Variants in SETD3 observed in about 807,000 individuals in gnomAD.
SETD3 encodes SET domain containing 3, actin N3(tau)-histidine methyltransferase.
A neutral mutation model predicts 63.0 loss-of-function variants in SETD3; 19 were observed. That is an observed-to-expected ratio of 0.30 (90% CI 0.21 to 0.44). The LOEUF (loss-of-function observed/expected upper bound fraction) is 0.44, where lower values mean the gene tolerates loss of function less well. Among genes scored for constraint, SETD3 ranks in the 20% least tolerant of loss-of-function variants. The probability of loss-of-function intolerance (pLI) is 1.00; values close to 1 mark genes in which losing one functional copy is unlikely to be tolerated. For synonymous variants in SETD3, 286 were observed against 264.1 expected, an observed-to-expected ratio of 1.08 and a Z score of -0.80; for missense variants, 587 against 728.5, an observed-to-expected ratio of 0.81 and a Z score of 2.24.
chr14:99,410,965 G>A (rs570579609), intron 8 of SETD3, among the ~76,000 whole-genome samples: 40 of 152,232 alleles, frequency 2.6e-4, no homozygotes, highest in Non-Finnish European at 5.0e-4. Context: ...AGAAAATCTC[G>A]TCTTAAAAGC....
chr14:99,406,914 C>T (rs1050155531), intron 8 of SETD3, among the ~76,000 whole-genome samples: 4 of 152,214 alleles, frequency 2.6e-5, no homozygotes, highest in African/African-American at 2.4e-5. Context: ...GGGCAGTGAG[C>T]CCACAGGCCA....
intron 6 of SETD3, among the ~76,000 whole-genome samples, chr14:99,424,240 G>A (rs116280982): frequency 2.1e-3 from 313 of 152,330 alleles, no homozygotes; most frequent in African/African-American, 6.9e-3. Context: ...ATCCAGGTCA[G>A]CTGACTCCCA....
At chr14:99,405,424 T>C in intron 9 of SETD3, 53 bp from the exon 10 acceptor site, 1 of 1,575,940 alleles carries the variant, frequency 6.3e-7, no homozygotes, top group Non-Finnish European at 8.6e-7. Flanking sequence ...TTGGCATGTA[T>C]TCTTAACACA....
intron 6 of SETD3, among the ~76,000 whole-genome samples, chr14:99,421,025 T>A (rs1195457556): frequency 8.3e-6 from 1 of 121,026 alleles, no homozygotes; most frequent in East Asian, 2.5e-4. Context: ...ACAGTAAATC[T>A]TTCGTTTCTT....
chr14:99,408,350 A>C (rs1473041964), intron 8 of SETD3, among the ~76,000 whole-genome samples: 1 of 152,230 alleles, frequency 6.6e-6, no homozygotes, highest in Non-Finnish European at 1.5e-5. Context: ...ACTTCAATTG[A>C]ATGAAAATCA....
chr14:99,433,330 TG>T (rs1893286569), intron 6 of SETD3, among the ~76,000 whole-genome samples: 1 of 152,222 alleles, frequency 6.6e-6, no homozygotes, highest in African/African-American at 2.4e-5. Context: ...AAATACACAC[TG>T]GATTTCCAAA....
chr14:99,478,213 A>G (rs1041609217), intron 1 of SETD3, among the ~76,000 whole-genome samples: 8 of 152,228 alleles, frequency 5.3e-5, no homozygotes, highest in Admixed American at 1.3e-4. Context: ...AAGAATAAAG[A>G]TAAGTTCACC....
At chr14:99,401,379 T>C (rs1432190705) in intron 11 of SETD3, among the ~76,000 whole-genome samples, 1 of 152,228 alleles carries the variant, frequency 6.6e-6, no homozygotes, top group East Asian at 1.9e-4. Context: ...GCTTCTTATG[T>C]GATTAGGAGA....
Position 99,398,924 on chromosome 14 carries a change from C to G in SETD3, c.1540G>C (p.Val514Leu). The G allele has an allele frequency of 6.2e-7, 1 of 1,614,088 alleles. No homozygotes were observed. The highest frequency in any genetic ancestry group is 1.1e-5 in the South Asian group (1 of 91,086). ...ESNLGLLESS[V>L]GDSRLPLVLR... Reference sequence around the variant, plus strand: ...ACCAGGGGGAGCCTCGAGTCCCCCACGCTGCTCTCCAACAGCCCAAGGTTA... The same window carrying G: ...ACCAGGGGGAGCCTCGAGTCCCCCAGGCTGCTCTCCAACAGCCCAAGGTTA... The change falls in exon 13 of 13, where the codon GTG becomes CTG. Residue 514 changes from valine (V) to leucine (L), a missense_variant. Coordinates refer to ENST00000331768, the MANE Select transcript of SETD3 (RefSeq NM_032233.3).
chr14:99,458,923 A>G (rs1894917905), intron 5 of SETD3, among the ~76,000 whole-genome samples, 190 bp downstream of exon 5: 1 of 152,128 alleles, frequency 6.6e-6, no homozygotes. Context: ...TATCTCAAAA[A>G]TAATAATAAT....
intron 6 of SETD3, among the ~76,000 whole-genome samples, chr14:99,456,939 G>A (rs891583446): frequency 4.6e-5 from 7 of 152,188 alleles, no homozygotes; most frequent in African/African-American, 7.2e-5. Flanking sequence ...GGCTACCAGC[G>A]TTTGCAAACT....
chr14:99,423,698 T>A (rs1258197070), intron 6 of SETD3, among the ~76,000 whole-genome samples: 1 of 151,038 alleles, frequency 6.6e-6, no homozygotes, highest in Non-Finnish European at 1.5e-5. Context: ...TCACAGTACT[T>A]CCATAAGTAC....
chr14:99,483,223 A>AT (rs772187471), upstream of SETD3, among the ~76,000 whole-genome samples: 7 of 152,144 alleles, frequency 4.6e-5, no homozygotes, highest in Non-Finnish European at 7.3e-5. Context: ...AGGAGAGCTG[A>AT]TTCCCTGAAG....
At chr14:99,406,657 G>C in intron 8 of SETD3, 67 bp from the exon 9 acceptor site, 1 of 1,484,578 alleles carries the variant, frequency 6.7e-7, no homozygotes, top group Non-Finnish European at 9.4e-7. Context: ...TAATCTACAA[G>C]CTTGTTTCTG....
At chr14:99,444,685 C>T (rs1894028658) in intron 6 of SETD3, among the ~76,000 whole-genome samples, 1 of 152,046 alleles carries the variant, frequency 6.6e-6, no homozygotes, top group Non-Finnish European at 1.5e-5. Flanking sequence ...ATGGCAAAAA[C>T]TCATCTCTAC....
At position 99,463,582 on chromosome 14, in the gene SETD3, T is replaced by C; in HGVS notation, c.104-4A>G. ...CCAGGCGCCGGACTGCTGCATTCTG[T>C]AACATAAGAGGCATGGTACTGAAAC... On this transcript the variant is annotated splice_polypyrimidine_tract_variant and splice_region_variant and intron_variant, in intron 2 of 12. Transcript: ENST00000331768. 1 of 1,611,626 alleles carries C rather than the reference T, an allele frequency of 6.2e-7. No individual in the cohort carries two copies.
At chr14:99,432,667 G>GTGT (rs1268419650) in intron 6 of SETD3, among the ~76,000 whole-genome samples, 1 of 152,194 alleles carries the variant, frequency 6.6e-6, no homozygotes, top group Admixed American at 6.5e-5. Context: ...GGATGCAGAC[G>GTGT]TAACAGTGAC....
At chr14:99,438,973 T>TGA (rs1304206027) in intron 6 of SETD3, among the ~76,000 whole-genome samples, 1 of 152,272 alleles carries the variant, frequency 6.6e-6, no homozygotes, top group African/African-American at 2.4e-5. Context: ...TTTATATTCA[T>TGA]GATAGCTCAG....
At chr14:99,453,198 C>A (rs954578770) in intron 6 of SETD3, among the ~76,000 whole-genome samples, 2 of 152,176 alleles carry the variant, frequency 1.3e-5, no homozygotes, top group South Asian at 4.1e-4. Context: ...CCTGGAAAAG[C>A]ATGGGAAAGA....
Sources: gnomAD v4.1 joint callset for allele counts (sites outside exome capture counted in the v4.1 genomes callset) on GRCh38, gnomAD v4.1.1 for gene constraint, MANE v1.5 for transcripts, NCBI Gene and HGNC (gene_info 2026-07-23, HGNC 2026-07-21) for gene names.